Variants in KREMEN1 observed in about 807,000 individuals in gnomAD.
KREMEN1 encodes the protein kremen protein 1.
A neutral mutation model predicts 46.5 loss-of-function variants in KREMEN1; 30 were observed. The observed-to-expected ratio is 0.65, with a 90% CI of 0.48 to 0.88. KREMEN1 has a LOEUF of 0.88. Among genes scored for constraint, KREMEN1 ranks in the 40% least tolerant of loss-of-function variants. The pLI, the probability that KREMEN1 is intolerant of heterozygous loss-of-function variation, is 0.00. For synonymous variants in KREMEN1, 214 were observed against 230.6 expected (o/e 0.93, Z 0.65); for missense variants, 533 against 596.9 (o/e 0.89, Z 1.11).
rs529670637 is a variant in KREMEN1 at position 29,137,594 on chromosome 22, A to T, written c.884A>T (p.Asn295Ile). ...HGRSRPPLSF[N>I]VSLDFVILYF... ...AGGAGCCGCCCACCTCTGTCCTTCA[A>T]CGTCTCTCTGGACTTCGTCATCTTG... is the stretch of plus-strand genomic sequence containing the variant. Residue 295 changes from asparagine to isoleucine, a missense_variant, in exon 6 of 9, where the codon AAC becomes ATC. By Grantham distance (149) the Asn-to-Ile change is moderately radical (BLOSUM62 -3). Coordinates refer to ENST00000400335, the MANE Select transcript of KREMEN1 (RefSeq NM_001039570.3). 6.2e-7 allele frequency: 1 copy of T among 1,613,194 alleles called. No homozygotes were observed. Among genetic ancestry groups the T allele is most frequent in the East Asian group, 2.2e-5 (1 of 44,834 alleles).
At position 29,094,265 on chromosome 22, in the gene KREMEN1, C is replaced by T; in HGVS notation, c.105C>T (p.Phe35=). The T allele has an allele frequency of 6.2e-7, 1 of 1,603,988 alleles. No individual in the cohort carries two copies. The change falls in exon 2 of 9, where the codon TTC becomes TTT. Residue 35 remains phenylalanine, a synonymous_variant. Transcript: ENST00000400335. The stretch of plus-strand genomic sequence containing the variant: ...GTCTTTTTTTTCTTCTAGAGTGTTT[C>T]ACAGCCAATGGTGCGGATTATAGGG... The part of the protein sequence containing the change: ...SPGLGPGPEC[F]TANGADYRGT...
chr22:29,126,481 T>C (rs971260596), intron 5 of KREMEN1, among the ~76,000 whole-genome samples: 3 of 152,180 alleles, frequency 2.0e-5, no homozygotes, highest in Non-Finnish European at 4.4e-5. Flanking sequence ...CTCTTTCACA[T>C]GGCCATCTTC....
intron 9 of KREMEN1, among the ~76,000 whole-genome samples, chr22:29,163,777 G>A (rs2039031662): frequency 6.6e-6 from 1 of 152,198 alleles, no homozygotes; most frequent in Non-Finnish European, 1.5e-5. Flanking sequence ...GGGGGGAAGG[G>A]AGAGAAGGGG....
At chr22:29,150,725 T>C (rs1366651185), downstream of KREMEN1, among the ~76,000 whole-genome samples, 1 of 152,112 alleles carries the variant, frequency 6.6e-6, no homozygotes, top group African/African-American at 2.4e-5. Flanking sequence ...TGGGTCTGAG[T>C]GAGCTGAGGA....
At position 29,143,125 on chromosome 22, in the gene KREMEN1, G is replaced by A. The variant is rs1054636890; in HGVS notation, c.*1013G>A. ...AGATCGCACCACTGCACTCCAGCCT[G>A]GGTGACAAGAGTGAGACTCTGTCTC... On this transcript the variant is annotated 3_prime_UTR_variant, in exon 9 of 9. Transcript: ENST00000400335. The A allele has an allele frequency of 2.3e-6, 2 of 886,046 alleles. No individual in the cohort carries two copies. The highest frequency in any genetic ancestry group is 5.7e-4 in the Middle Eastern group (1 of 1,746). The allele number at this position is 886,046 out of a possible 1,614,324, so 54.9% of individuals were successfully genotyped here.
intron 3 of KREMEN1, among the ~76,000 whole-genome samples, chr22:29,114,267 T>G (rs1241253044): frequency 6.6e-6 from 1 of 152,016 alleles, no homozygotes; most frequent in Non-Finnish European, 1.5e-5. Flanking sequence ...GTGGATCACC[T>G]GAGGTCAGGA....
rs533331590 is a variant in KREMEN1, at chr22:29,101,646, CTATGTTTAGA to C, written c.352+2706_352+2715del. On this transcript the variant is annotated intron_variant, in intron 3 of 8. Coordinates refer to ENST00000400335, the MANE Select transcript of KREMEN1 (RefSeq NM_001039570.3). Reference sequence around the variant, plus strand: ...ATACAGTATTTGTACTGTACCTTTTCTATGTTTAGATATGTTTAGATACAGAAGTACTTAC... The same window carrying C: ...ATACAGTATTTGTACTGTACCTTTTCTATGTTTAGATACAGAAGTACTTAC... 2.0e-3 allele frequency among the ~76,000 whole-genome samples: 301 copies of C among 152,252 alleles called. 1 individual carries two copies. Among genetic ancestry groups the C allele is most frequent in the Non-Finnish European group, 3.8e-3 (257 of 68,022 alleles).
chr22:29,103,251 A>G (rs1322066744), intron 3 of KREMEN1, among the ~76,000 whole-genome samples: 3 of 152,224 alleles, frequency 2.0e-5, no homozygotes, highest in Non-Finnish European at 4.4e-5. Flanking sequence ...TGGAAAGTTC[A>G]TATCTGAATA....
intron 1 of KREMEN1, among the ~76,000 whole-genome samples, chr22:29,083,728 A>T (rs546598624): frequency 6.6e-6 from 1 of 152,242 alleles, no homozygotes; most frequent in South Asian, 2.1e-4. Context: ...GCTACTAGGG[A>T]GGCTGAGGCA....
At chr22:29,148,386 G>T (rs1478549458), downstream of KREMEN1, among the ~76,000 whole-genome samples, 3 of 152,184 alleles carry the variant, frequency 2.0e-5, no homozygotes, top group Non-Finnish European at 4.4e-5. Context: ...CAGGACCAAG[G>T]TGGGCAGGAG....
chr22:29,129,925 G>C (rs1368451047), intron 5 of KREMEN1, among the ~76,000 whole-genome samples: 1 of 152,160 alleles, frequency 6.6e-6, no homozygotes, highest in Non-Finnish European at 1.5e-5. Context: ...ATAATTTATT[G>C]AATTAACATA....
chr22:29,160,632 G>C (rs1453672847), intron 9 of KREMEN1, among the ~76,000 whole-genome samples: 2 of 151,588 alleles, frequency 1.3e-5, no homozygotes, highest in African/African-American at 2.4e-5. Context: ...TGATTTTGGG[G>C]GTAAACAACA....
intron 3 of KREMEN1, among the ~76,000 whole-genome samples, chr22:29,103,226 A>G (rs1348932530): frequency 2.0e-5 from 3 of 152,206 alleles, no homozygotes; most frequent in Non-Finnish European, 4.4e-5. Context: ...AAGTCCTGTG[A>G]CATGATCAGA....
chr22:29,107,218 C>CTTTTTTTTT (rs1188000476), intron 3 of KREMEN1, among the ~76,000 whole-genome samples: 2 of 111,926 alleles, frequency 1.8e-5, no homozygotes, highest in Non-Finnish European at 3.4e-5. Context: ...ACCATTTATA[C>CTTTTTTTTT]TTTTTTTTTT....
In KREMEN1 at chr22:29,073,046, G is replaced by T. The variant is rs2037493708; in HGVS notation, c.-85G>T. The T allele has an allele frequency of 1.7e-5, 4 of 237,910 alleles. No homozygotes were observed. The highest frequency in any genetic ancestry group is 2.7e-5 in the Non-Finnish European group (4 of 148,056). The allele number at this position is 237,910 out of a possible 1,614,324, so 14.7% of individuals were successfully genotyped here. ...CGGGGCGGGGCTACACTCGGGCCCC[G>T]CGTCCTGCTCCCATGGCCGCCCCCG... On this transcript the variant is annotated 5_prime_UTR_variant, in exon 1 of 9. Transcript: ENST00000400335. The surrounding 1 kb of genome is among the most constrained non-coding windows in gnomAD (Gnocchi z 4.4).
chr22:29,141,929 T>C lies in KREMEN1; in HGVS notation c.1209-15T>C, dbSNP rs1453894371. On this transcript the variant is annotated splice_polypyrimidine_tract_variant and intron_variant, in intron 8 of 8. Transcript: ENST00000400335. ...TGTTCTAATCTATTGGAAAAAATAT[T>C]TATCTGCTTGACAGATCCCATCGTG... 1.9e-6 allele frequency: 3 copies of C among 1,559,626 alleles called. No individual in the cohort carries two copies. The Admixed American group carries it at 6.0e-5, about 31-fold the overall frequency.
intron 3 of KREMEN1, among the ~76,000 whole-genome samples, chr22:29,117,306 G>A (rs1032902600): frequency 5.3e-5 from 8 of 152,170 alleles, no homozygotes; most frequent in Admixed American, 3.3e-4. Context: ...AGTAGCTCAC[G>A]CCTGTAATCC....
At chr22:29,137,713 C>T (rs1315677171) in intron 6 of KREMEN1, 39 bp downstream of exon 6, 3 of 1,500,678 alleles carry the variant, frequency 2.0e-6, no homozygotes, top group South Asian at 1.3e-5. Flanking sequence ...CTTCAGGGCC[C>T]ACGTGCCTTG....
At chr22:29,135,819 C>T (rs757979015) in intron 5 of KREMEN1, among the ~76,000 whole-genome samples, 1 of 152,150 alleles carries the variant, frequency 6.6e-6, no homozygotes, top group East Asian at 1.9e-4. Context: ...GCCTGACTCT[C>T]CTTGATGGGG....
Sources: gnomAD v4.1 joint callset for allele counts (sites outside exome capture counted in the v4.1 genomes callset) on GRCh38, gnomAD v4.1.1 for gene constraint, Gnocchi (gnomAD v3.1) non-coding constraint, MANE v1.5 for transcripts, NCBI Gene and HGNC (gene_info 2026-07-23, HGNC 2026-07-21) for gene names.